TXLNB: variants seen among roughly 807,000 people sequenced by gnomAD.
TXLNB encodes beta-taxilin.
TXLNB carries 37 observed loss-of-function variants against 57.4 expected under a neutral mutation model. The observed-to-expected ratio is 0.64, with a 90% CI of 0.50 to 0.85. TXLNB has a LOEUF of 0.85. TXLNB is among the 40% of genes least tolerant of loss of function. The pLI, the probability that TXLNB is intolerant of heterozygous loss-of-function variation, is 0.00. For synonymous variants in TXLNB, 302 were observed against 309.6 expected (o/e 0.98, Z 0.26); for missense variants, 848 against 825.6 (o/e 1.03, Z -0.33).
the TXLNB span, among the ~76,000 whole-genome samples, chr6:139,172,071 T>C: frequency 2.0e-5 from 3 of 152,180 alleles, no homozygotes; most frequent in Non-Finnish European, 4.4e-5. Flanking sequence ...CCTCTGGTGA[T>C]CTACCCGCCT....
At chr6:139,264,892 C>A (rs577756647) in intron 4 of TXLNB, among the ~76,000 whole-genome samples, 3 of 152,214 alleles carry the variant, frequency 2.0e-5, no homozygotes, top group African/African-American at 7.2e-5. Context: ...CAAAAGAAAT[C>A]TAGCAAAATC....
chr6:139,256,352 G>A lies in TXLNB; in HGVS notation c.1003-714C>T, dbSNP rs534128934. On this transcript the variant is annotated intron_variant, in intron 6 of 9. Coordinates refer to ENST00000358430, the MANE Select transcript of TXLNB (RefSeq NM_153235.4). ...CTTTTTTCTTTTTTTTCTTTGAGACGGAGTTTCTCTTTTGTCGCCCAGGCT... is the reference window on the plus strand; with the variant it reads ...CTTTTTTCTTTTTTTTCTTTGAGACAGAGTTTCTCTTTTGTCGCCCAGGCT... Among the ~76,000 whole-genome samples, 22 of 151,924 alleles carry A rather than the reference G, an allele frequency of 1.4e-4. No homozygotes were observed. In the South Asian group the frequency reaches 2.7e-3, roughly 19 times the overall value.
intron 5 of TXLNB, among the ~76,000 whole-genome samples, 166 bp downstream of exon 5, chr6:139,262,413 A>C (rs1776506164): frequency 6.6e-6 from 1 of 152,180 alleles, no homozygotes; most frequent in South Asian, 2.1e-4. Flanking sequence ...TCAGTCAGGT[A>C]TTTTGTAAGA....
chr6:139,272,139 T>C (rs958748041), intron 3 of TXLNB, among the ~76,000 whole-genome samples: 4 of 151,940 alleles, frequency 2.6e-5, no homozygotes, highest in Non-Finnish European at 5.9e-5. Context: ...AAACCCCATC[T>C]CTACTAAAAA....
At chr6:139,167,306 G>A in the TXLNB span, 3 of 1,596,310 alleles carry the variant, frequency 1.9e-6, no homozygotes, top group Non-Finnish European at 1.7e-6. Flanking sequence ...CGAATATGAT[G>A]TTCCTTGTCA....
At chr6:139,166,731 C>T in the TXLNB span, 7 of 1,612,928 alleles carry the variant, frequency 4.3e-6, no homozygotes, top group Admixed American at 1.0e-4. Flanking sequence ...CACGACCTCC[C>T]CCGCCGGCAT....
the TXLNB span, among the ~76,000 whole-genome samples, chr6:139,217,789 C>A: frequency 0.64 from 96,086 of 149,548 alleles, 31,113 homozygotes; most frequent in East Asian, 0.86. Context: ...GAATCGCTTG[C>A]ACCTGGGAGG....
chr6:139,317,097 G>A, the TXLNB span, among the ~76,000 whole-genome samples: 1 of 152,156 alleles, frequency 6.6e-6, no homozygotes. Flanking sequence ...AAATCAAGCA[G>A]AACTTGAGAT....
At chr6:139,190,305 C>CTTTTTTT in the TXLNB span, among the ~76,000 whole-genome samples, 9 of 108,882 alleles carry the variant, frequency 8.3e-5, no homozygotes, top group African/African-American at 1.8e-4. Context: ...TTCTTTCTTT[C>CTTTTTTT]TTTCTTTTTT....
the TXLNB span, among the ~76,000 whole-genome samples, chr6:139,301,871 C>T: frequency 6.6e-6 from 1 of 152,236 alleles, no homozygotes; most frequent in South Asian, 2.1e-4. Flanking sequence ...CTTGTCCCGT[C>T]CCCTAAAACA....
At chr6:139,173,684 T>A in the TXLNB span, among the ~76,000 whole-genome samples, 1 of 152,234 alleles carries the variant, frequency 6.6e-6, no homozygotes, top group Non-Finnish European at 1.5e-5. Context: ...TAAACTGTGA[T>A]GCTTCCATAT....
At chr6:139,203,379 A>G in the TXLNB span, among the ~76,000 whole-genome samples, 1 of 151,988 alleles carries the variant, frequency 6.6e-6, no homozygotes, top group Non-Finnish European at 1.5e-5. Flanking sequence ...TCTCACTTCC[A>G]CCCTTACCAC....
At chr6:139,323,439 C>T in the TXLNB span, among the ~76,000 whole-genome samples, 2 of 151,682 alleles carry the variant, frequency 1.3e-5, no homozygotes, top group African/African-American at 4.9e-5. Flanking sequence ...CGTGCCACCA[C>T]GCCCAGCTAA....
chr6:139,193,638 G>A, the TXLNB span, among the ~76,000 whole-genome samples: 4 of 148,518 alleles, frequency 2.7e-5, no homozygotes, highest in Non-Finnish European at 5.9e-5. Context: ...TCTAAACATG[G>A]CATATGTCAC....
the TXLNB span, among the ~76,000 whole-genome samples, chr6:139,308,844 T>G: frequency 2.6e-5 from 4 of 152,174 alleles, no homozygotes; most frequent in African/African-American, 9.7e-5. Flanking sequence ...AAGTGGCAAA[T>G]ATAGAAATTA....
intron 4 of TXLNB, among the ~76,000 whole-genome samples, chr6:139,263,986 G>A (rs994695000): frequency 6.6e-6 from 1 of 152,122 alleles, no homozygotes; most frequent in Non-Finnish European, 1.5e-5. Context: ...TATATGCTCT[G>A]AAAATATTTT....
downstream of TXLNB, chr6:139,238,982 A>G (rs1401847822): frequency 6.6e-6 from 1 of 152,214 alleles, no homozygotes; most frequent in African/African-American, 2.4e-5. Context: ...CAGTTTTACA[A>G]CGAACACATG....
At chr6:139,213,677 A>G in the TXLNB span, among the ~76,000 whole-genome samples, 163 of 152,334 alleles carry the variant, frequency 1.1e-3, no homozygotes, top group Non-Finnish European at 2.0e-3. Flanking sequence ...CAAAAAATCA[A>G]TGAATCCAGG....
the TXLNB span, among the ~76,000 whole-genome samples, chr6:139,188,627 C>T: frequency 3.9e-5 from 6 of 152,190 alleles, no homozygotes; most frequent in Admixed American, 3.9e-4. Context: ...ATTTCACTCC[C>T]AACGTCTCTC....
Sources: gnomAD v4.1 joint callset for allele counts (sites outside exome capture counted in the v4.1 genomes callset) on GRCh38, gnomAD v4.1.1 for gene constraint, MANE v1.5 for transcripts, NCBI Gene and HGNC (gene_info 2026-07-23, HGNC 2026-07-21) for gene names.